Variants in SLC14A2 observed in about 807,000 individuals in gnomAD.
The protein encoded by SLC14A2 is urea transporter 2.
A neutral mutation model predicts 104.6 loss-of-function variants in SLC14A2; 91 were observed. The observed-to-expected ratio is 0.87, with a 90% CI of 0.73 to 1.04. The LOEUF (loss-of-function observed/expected upper bound fraction) is 1.04. SLC14A2 is among the 50% of genes least tolerant of loss of function. The pLI is 0.00. For missense variants in SLC14A2, 1,189 were observed against 1,156.0 expected (o/e 1.03, Z -0.41); for synonymous variants, 476 against 466.4 (o/e 1.02, Z -0.27).
At chr18:45,667,155 A>C (rs1445222339) in intron 13 of SLC14A2, 61 bp downstream of exon 13, 2 of 1,435,266 alleles carry the variant, frequency 1.4e-6, no homozygotes, top group Non-Finnish European at 1.9e-6. Context: ...ACCCATCCCC[A>C]GGAAACCCAT....
chr18:45,399,173 G>A (rs938805165), intron 1 of SLC14A2, among the ~76,000 whole-genome samples: 1 of 152,206 alleles, frequency 6.6e-6, no homozygotes, highest in Non-Finnish European at 1.5e-5. Context: ...TCACACAGAT[G>A]ATGAGAGCTG....
At position 45,542,051 on chromosome 18, in the gene SLC14A2, T is replaced by TGG. The variant is rs1568268329; in HGVS notation, c.-35+58729_-35+58730insGG. On this transcript the variant is annotated intron_variant, in intron 2 of 20. Coordinates refer to the SLC14A2 transcript ENST00000586448. ...AGAGAGAGGGTTTTTTTTTTTTTTT[T>TGG]TTTTTTTTTTTTTTTTTTTTTGCTT... Among the ~76,000 whole-genome samples, 35 of 121,970 alleles carry TGG rather than the reference T, an allele frequency of 2.9e-4. 2 individuals carry two copies. Among genetic ancestry groups the TGG allele is most frequent in the Non-Finnish European group, 4.6e-4 (28 of 60,660 alleles). 80.0% of individuals were successfully genotyped at this position (121,970 alleles called of 152,430 possible). A position where few individuals can be genotyped will look rare whatever the true frequency, so the allele number is the denominator to read the frequency against.
intron 1 of SLC14A2, among the ~76,000 whole-genome samples, chr18:45,453,566 T>A (rs1256818569): frequency 6.6e-6 from 1 of 152,180 alleles, no homozygotes; most frequent in African/African-American, 2.4e-5. Flanking sequence ...TCTTTAACAT[T>A]TTGGTGTTTC....
chr18:45,246,563 T>A (rs2084369199), intron 1 of SLC14A2, among the ~76,000 whole-genome samples: 3 of 152,148 alleles, frequency 2.0e-5, no homozygotes, highest in Non-Finnish European at 1.5e-5. Context: ...TAGAAATAAC[T>A]TTTGTTGTTG....
intron 1 of SLC14A2, among the ~76,000 whole-genome samples, chr18:45,329,025 T>A (rs1204477333): frequency 6.6e-6 from 1 of 152,116 alleles, no homozygotes; most frequent in African/African-American, 2.4e-5. Flanking sequence ...TTTCCAGAGC[T>A]GGAGAAAACT....
At chr18:45,434,513 T>A (rs2086565658) in intron 1 of SLC14A2, among the ~76,000 whole-genome samples, 1 of 152,148 alleles carries the variant, frequency 6.6e-6, no homozygotes, top group African/African-American at 2.4e-5. Context: ...ATAAGCTCCA[T>A]CCATTAAACT....
At chr18:45,497,213 G>T (rs2043112207) in intron 2 of SLC14A2, among the ~76,000 whole-genome samples, 1 of 152,096 alleles carries the variant, frequency 6.6e-6, no homozygotes. Flanking sequence ...TCCCAATTTG[G>T]CTCTTTCCTC....
In SLC14A2 at chr18:45,673,768, C is replaced by A; in HGVS notation, c.2463C>A (p.Gly821=). The A allele has an allele frequency of 6.2e-7, 1 of 1,614,196 alleles. No individual in the cohort carries two copies. The highest frequency in any genetic ancestry group is 1.3e-5 in the African/African-American group (1 of 75,062). The change falls in exon 18 of 20, where the codon GGC becomes GGA. Residue 821 remains glycine (G), a synonymous_variant. Coordinates refer to ENST00000255226, the MANE Select transcript of SLC14A2 (RefSeq NM_007163.4). The stretch of plus-strand genomic sequence containing the variant: ...CCCTCGCATGCATAGCGATAGGAGG[C>A]ATGTTCTACGTCATCACCTGGCAGA... The part of the protein sequence containing the change: ...NSTLACIAIG[G]MFYVITWQTH...
At chr18:45,666,406 T>A (rs1267808699) in intron 12 of SLC14A2, among the ~76,000 whole-genome samples, 187 bp downstream of exon 12, 2 of 152,234 alleles carry the variant, frequency 1.3e-5, no homozygotes, top group African/African-American at 4.8e-5. Flanking sequence ...TAACTTTTCA[T>A]ATTCCTTGTA....
intron 1 of SLC14A2, among the ~76,000 whole-genome samples, chr18:45,359,688 G>A (rs775934090): frequency 2.6e-5 from 4 of 152,158 alleles, no homozygotes; most frequent in Admixed American, 6.5e-5. Flanking sequence ...GGGGAGCATC[G>A]CCTCTCCTCT....
intron 2 of SLC14A2, among the ~76,000 whole-genome samples, chr18:45,516,414 G>C (rs928247327): frequency 1.3e-5 from 2 of 152,106 alleles, no homozygotes; most frequent in African/African-American, 4.8e-5. Flanking sequence ...TATTTCTCTG[G>C]CCTTCAGCTT....
In SLC14A2 at chr18:45,673,730, G is replaced by A. The variant is rs1250518641; in HGVS notation, c.2425G>A (p.Gly809Ser). 2 of 1,613,982 alleles carry A rather than the reference G, an allele frequency of 1.2e-6. No individual in the cohort carries two copies. The highest frequency in any genetic ancestry group is 2.2e-5 in the East Asian group (1 of 44,886). ...PFDSIYFGLC[G>S]FNSTLACIAI... The stretch of plus-strand genomic sequence containing the variant: ...TGACTCCATCTACTTCGGCCTGTGT[G>A]GCTTCAACAGCACCCTCGCATGCAT... The change falls in exon 18 of 20, where the codon GGC becomes AGC. Residue 809 changes from glycine to serine, a missense_variant. Physicochemically the swap from Gly to Ser is moderately conservative, Grantham distance 56. Transcript: ENST00000255226.
At chr18:45,501,191 C>T (rs936125006) in intron 2 of SLC14A2, among the ~76,000 whole-genome samples, 1 of 152,164 alleles carries the variant, frequency 6.6e-6, no homozygotes, top group African/African-American at 2.4e-5. Context: ...AACAGAGAAG[C>T]CTCCAAATGC....
intron 1 of SLC14A2, among the ~76,000 whole-genome samples, chr18:45,321,952 T>C (rs968992811): frequency 4.6e-5 from 7 of 152,070 alleles, no homozygotes; most frequent in African/African-American, 1.7e-4. Context: ...TTTGCTTTGG[T>C]TTTTGGTTGA....
intron 1 of SLC14A2, among the ~76,000 whole-genome samples, chr18:45,287,146 G>A (rs2084822871): frequency 6.6e-6 from 1 of 152,188 alleles, no homozygotes; most frequent in Non-Finnish European, 1.5e-5. Context: ...GCCTCTGGAA[G>A]GTGTTGTGTG....
At chr18:45,314,289 C>A (rs1173581851) in intron 1 of SLC14A2, among the ~76,000 whole-genome samples, 1 of 152,214 alleles carries the variant, frequency 6.6e-6, no homozygotes, top group African/African-American at 2.4e-5. Context: ...TACACCACTG[C>A]ATATGTTCTC....
chr18:45,444,991 A>C (rs774505199), intron 1 of SLC14A2, among the ~76,000 whole-genome samples: 1 of 152,176 alleles, frequency 6.6e-6, no homozygotes, highest in Non-Finnish European at 1.5e-5. Context: ...TATTTGTTAA[A>C]TGAATTAATG....
chr18:45,215,771 A>G (rs574209874), intron 1 of SLC14A2, among the ~76,000 whole-genome samples: 3 of 152,338 alleles, frequency 2.0e-5, no homozygotes, highest in East Asian at 1.9e-4. Flanking sequence ...TAATATTCTA[A>G]GGACTAAGCC....
At chr18:45,605,409 A>T (rs1324491230) in intron 2 of SLC14A2, among the ~76,000 whole-genome samples, 2 of 152,114 alleles carry the variant, frequency 1.3e-5, no homozygotes, top group African/African-American at 4.8e-5. Context: ...GAAGATGCCC[A>T]CTGACACAAA....
Sources: gnomAD v4.1 joint callset for allele counts (sites outside exome capture counted in the v4.1 genomes callset) on GRCh38, gnomAD v4.1.1 for gene constraint, MANE v1.5 for transcripts, NCBI Gene and HGNC (gene_info 2026-07-23, HGNC 2026-07-21) for gene names.